CFAP20DC: variants seen among roughly 807,000 people sequenced by gnomAD.
CFAP20DC encodes the protein protein CFAP20DC.
A neutral mutation model predicts 101.7 loss-of-function variants in CFAP20DC; 84 were observed. The ratio of observed to expected loss-of-function variants is 0.83; its 90% CI spans 0.69 to 0.99. The LOEUF is 0.99. Among genes scored for constraint, CFAP20DC ranks in the 50% least tolerant of loss-of-function variants. CFAP20DC has a pLI of 0.00. For missense variants in CFAP20DC, 1,007 were observed against 970.3 expected (o/e 1.04, Z -0.50); for synonymous variants, 359 against 351.2 (o/e 1.02, Z -0.25).
At chr3:58,812,960 G>C (rs1023200770) in intron 14 of CFAP20DC, among the ~76,000 whole-genome samples, 4 of 151,788 alleles carry the variant, frequency 2.6e-5, no homozygotes, top group Non-Finnish European at 4.4e-5. Flanking sequence ...GATATCTCAT[G>C]GAACTAATGC....
chr3:58,987,243 G>A (rs988391885), intron 4 of CFAP20DC, among the ~76,000 whole-genome samples: 1 of 151,954 alleles, frequency 6.6e-6, no homozygotes, highest in Non-Finnish European at 1.5e-5. Context: ...CCTACTTTAA[G>A]TCAAATATGA....
intron 14 of CFAP20DC, among the ~76,000 whole-genome samples, chr3:58,811,527 T>C (rs1277598650): frequency 5.9e-5 from 9 of 152,142 alleles, no homozygotes; most frequent in African/African-American, 1.7e-4. Context: ...ACTGGATTCC[T>C]TCCTTATACC....
intron 4 of CFAP20DC, among the ~76,000 whole-genome samples, chr3:58,940,888 C>T (rs1475311435): frequency 1.3e-5 from 2 of 152,160 alleles, no homozygotes; most frequent in African/African-American, 2.4e-5. Context: ...CATGTCTACT[C>T]ACATGATATG....
intron 15 of CFAP20DC, among the ~76,000 whole-genome samples, chr3:58,777,687 G>A (rs1012714848): frequency 2.3e-4 from 35 of 152,296 alleles, no homozygotes; most frequent in Admixed American, 1.1e-3. Context: ...TGTTCTGGGA[G>A]TCTGGAGTGG....
Position 58,864,490 on chromosome 3 carries a change from C to A in CFAP20DC, c.1259-598G>T, listed in dbSNP as rs2079515838. Among the ~76,000 whole-genome samples, 2 of 152,168 alleles carry A rather than the reference C, an allele frequency of 1.3e-5. No homozygotes were observed. The highest frequency in any genetic ancestry group is 4.8e-5 in the African/African-American group (2 of 41,446). On this transcript the variant is annotated intron_variant, in intron 11 of 16. Coordinates refer to ENST00000482387, the MANE Select transcript of CFAP20DC (RefSeq NM_001394063.1). The surrounding 1 kb of genome is among the most constrained non-coding windows in gnomAD (Gnocchi z 4.7). ...TCTGAAATAATTATCACCTGTCTTG[C>A]AGCAAGTTCTTTACAGGACAACCTT...
At chr3:58,957,422 C>A (rs1359772939) in intron 4 of CFAP20DC, among the ~76,000 whole-genome samples, 1 of 152,070 alleles carries the variant, frequency 6.6e-6, no homozygotes, top group Admixed American at 6.6e-5. Context: ...ATTAGTACAG[C>A]CACTATGGAG....
At chr3:58,936,899 C>A (rs144710521) in intron 5 of CFAP20DC, among the ~76,000 whole-genome samples, 3,024 of 149,626 alleles carry the variant, frequency 0.02, 96 homozygotes, top group African/African-American at 0.07. Context: ...ATTGTGCACA[C>A]GTACCCTAAA....
chr3:58,740,497 G>A (rs766244110), downstream of CFAP20DC, among the ~76,000 whole-genome samples: 6 of 152,146 alleles, frequency 3.9e-5, no homozygotes, highest in Non-Finnish European at 8.8e-5. This position sits in a 1 kb window ranked among gnomAD's most constrained non-coding sequence, Gnocchi z 4.6. Flanking sequence ...TCTGATGTCT[G>A]TGCCTCCCAG....
At chr3:58,928,561 C>T (rs1458291089) in intron 5 of CFAP20DC, among the ~76,000 whole-genome samples, 1 of 152,114 alleles carries the variant, frequency 6.6e-6, no homozygotes, top group East Asian at 1.9e-4. Flanking sequence ...GTATCAGAAT[C>T]CAGATTCTAC....
chr3:58,887,539 G>C (rs1215315394), intron 6 of CFAP20DC: 5 of 152,154 alleles, frequency 3.3e-5, no homozygotes, highest in African/African-American at 1.2e-4. Flanking sequence ...CACAAAACTT[G>C]AATTTACAAC....
At position 58,799,109 on chromosome 3, in the gene CFAP20DC, T is replaced by G. The variant is rs536509118; in HGVS notation, c.2237+7286A>C. ...GTATGTGTATGCATATAAATAATGG[T>G]TTTTTTTTTCTATTTGCTTACCCAG... On this transcript the variant is annotated intron_variant, in intron 15 of 16. Coordinates refer to ENST00000482387, the MANE Select transcript of CFAP20DC (RefSeq NM_001394063.1). This position sits in a 1 kb window ranked among gnomAD's most constrained non-coding sequence, Gnocchi z 4.9. 1.8e-3 allele frequency among the ~76,000 whole-genome samples: 257 copies of G among 144,424 alleles called. 13 individuals carry two copies. The South Asian group carries it at 0.053, about 30-fold the overall frequency. 94.7% of individuals were successfully genotyped at this position (144,424 alleles called of 152,430 possible). A position where few individuals can be genotyped will look rare whatever the true frequency, so the allele number is the denominator to read the frequency against.
intron 6 of CFAP20DC, among the ~76,000 whole-genome samples, chr3:58,904,524 A>G (rs898522181): frequency 3.9e-5 from 6 of 152,134 alleles, no homozygotes; most frequent in African/African-American, 1.4e-4. Flanking sequence ...GCCTTAAACT[A>G]ATGAGATTTG....
chr3:58,737,319 CACAG>C (rs1433389720), downstream of CFAP20DC: 1 of 443,380 alleles, frequency 2.3e-6, no homozygotes, highest in Non-Finnish European at 4.5e-6. This position sits in a 1 kb window ranked among gnomAD's most constrained non-coding sequence, Gnocchi z 4.1. Flanking sequence ...CACACACACA[CACAG>C]ACACACACCC....
At chr3:58,983,852 C>T (rs1175208439) in intron 4 of CFAP20DC, among the ~76,000 whole-genome samples, 1 of 152,104 alleles carries the variant, frequency 6.6e-6, no homozygotes, top group Admixed American at 6.6e-5. Flanking sequence ...AGTAACCTAC[C>T]TAGGATCACA....
rs1364204161 is a variant in CFAP20DC, at chr3:58,722,633, C to A, written c.198-5005G>T. The stretch of plus-strand genomic sequence containing the variant: ...CAAGACAGGGAATAAACAGGTCACT[C>A]CCACAGTTCTCGTTTGCCTTTTCCC... On this transcript the variant is annotated intron_variant, in intron 3 of 3. Transcript: ENST00000486145. The surrounding 1 kb of genome is among the most constrained non-coding windows in gnomAD (Gnocchi z 4.5). 6.6e-6 allele frequency among the ~76,000 whole-genome samples: 1 copy of A among 152,204 alleles called. No individual in the cohort carries two copies. Among genetic ancestry groups the A allele is most frequent in the Non-Finnish European group, 1.5e-5 (1 of 68,038 alleles).
chr3:58,918,577 T>C (rs115230967), intron 5 of CFAP20DC, among the ~76,000 whole-genome samples: 1,565 of 152,320 alleles, frequency 0.01, 29 homozygotes, highest in African/African-American at 0.035. Flanking sequence ...TCTGAAGTCA[T>C]TCACTTTTAA....
intron 7 of CFAP20DC, among the ~76,000 whole-genome samples, chr3:58,878,802 G>C (rs900049881): frequency 1.3e-5 from 2 of 152,064 alleles, no homozygotes; most frequent in Non-Finnish European, 2.9e-5. Context: ...ACAAGGTCAG[G>C]AGATCGAGAC....
At chr3:59,030,166 T>C (rs2093963304) in intron 4 of CFAP20DC, among the ~76,000 whole-genome samples, 1 of 152,250 alleles carries the variant, frequency 6.6e-6, no homozygotes, top group Admixed American at 6.5e-5. Context: ...TTCTGTTATG[T>C]GACTTTCCAA....
chr3:58,738,702 C>A (rs185615333), downstream of CFAP20DC, among the ~76,000 whole-genome samples: 48 of 152,280 alleles, frequency 3.2e-4, 2 homozygotes, highest in South Asian at 5.8e-3. The surrounding 1 kb of genome is among the most constrained non-coding windows in gnomAD (Gnocchi z 4.4). Context: ...TGGGTATATA[C>A]CCAGTAATGG....
Sources: gnomAD v4.1 joint callset for allele counts (sites outside exome capture counted in the v4.1 genomes callset) on GRCh38, gnomAD v4.1.1 for gene constraint, Gnocchi (gnomAD v3.1) non-coding constraint, MANE v1.5 for transcripts, NCBI Gene and HGNC (gene_info 2026-07-23, HGNC 2026-07-21) for gene names.